Variants in CEP112 observed in about 807,000 individuals in gnomAD.
The protein encoded by CEP112 is centrosomal protein of 112 kDa.
Under a neutral mutation model 153.0 loss-of-function variants are expected in CEP112, and 127 were observed. The observed-to-expected ratio is 0.83, with a 90% CI of 0.72 to 0.96. The LOEUF is 0.96. Ranked by LOEUF, CEP112 falls within the 40% of genes least tolerant of loss-of-function variation. The pLI is 0.00. For synonymous variants in CEP112, 358 were observed against 374.4 expected, an observed-to-expected ratio of 0.96 and a Z score of 0.51; for missense variants, 1,089 against 1,101.2, an observed-to-expected ratio of 0.99 and a Z score of 0.16.
intron 19 of CEP112, among the ~76,000 whole-genome samples, chr17:65,904,507 C>T (rs544821345): frequency 2.0e-5 from 3 of 152,296 alleles, no homozygotes; most frequent in East Asian, 1.9e-4. Context: ...GAATTAATAT[C>T]GTGAAAATGG....
intron 20 of CEP112, among the ~76,000 whole-genome samples, chr17:65,900,907 C>T (rs774843143): frequency 1.1e-4 from 17 of 152,166 alleles, no homozygotes; most frequent in East Asian, 7.7e-4. Context: ...AGCAAGCCAG[C>T]GTAAAACAAG....
intron 17 of CEP112, among the ~76,000 whole-genome samples, chr17:65,973,605 A>G (rs1335378543): frequency 6.6e-6 from 1 of 152,198 alleles, no homozygotes; most frequent in Admixed American, 6.6e-5. Context: ...GATGATATCA[A>G]GTTTTGGGAA....
At chr17:66,154,968 G>A (rs2071376499) in intron 4 of CEP112, among the ~76,000 whole-genome samples, 1 of 152,104 alleles carries the variant, frequency 6.6e-6, no homozygotes, top group Non-Finnish European at 1.5e-5. Flanking sequence ...GGGCTAGTTA[G>A]GCCCACTTCT....
At chr17:65,938,475 A>G (rs1343829588) in intron 18 of CEP112, among the ~76,000 whole-genome samples, 1 of 152,124 alleles carries the variant, frequency 6.6e-6, no homozygotes, top group East Asian at 1.9e-4. Flanking sequence ...AACATGTATG[A>G]CAAGCCCACA....
chr17:65,836,098 G>A (rs1383487024), intron 21 of CEP112, among the ~76,000 whole-genome samples: 1 of 151,830 alleles, frequency 6.6e-6, no homozygotes, highest in East Asian at 1.9e-4. Flanking sequence ...GCCTCGTGGT[G>A]GCCACAAAGC....
rs1014398171 is a variant in CEP112 at position 65,728,720 on chromosome 17, T to C, written c.2607+14348A>G. Among the ~76,000 whole-genome samples, 8 of 152,062 alleles carry C rather than the reference T, an allele frequency of 5.3e-5. 1 individual carries two copies. The highest frequency in any genetic ancestry group is 1.9e-4 in the African/African-American group (8 of 41,398). On this transcript the variant is annotated intron_variant, in intron 23 of 26. Transcript: ENST00000535342. Reference sequence around the variant, plus strand: ...ATATCTAAGCAAAGAAAAGGTACAGTAAAAATACAGTATAAAAGATACAAA... The same window carrying C: ...ATATCTAAGCAAAGAAAAGGTACAGCAAAAATACAGTATAAAAGATACAAA...
At chr17:66,143,987 G>A (rs555236031) in intron 4 of CEP112, among the ~76,000 whole-genome samples, 1 of 152,256 alleles carries the variant, frequency 6.6e-6, no homozygotes, top group Admixed American at 6.5e-5. Flanking sequence ...CACCATTGTT[G>A]GCTGTGTAGG....
intron 12 of CEP112, among the ~76,000 whole-genome samples, chr17:66,048,100 GTTT>G (rs5821549): frequency 6.7e-6 from 1 of 148,298 alleles, no homozygotes; most frequent in African/African-American, 2.5e-5. Flanking sequence ...TATCATTTTT[GTTT>G]TTTTTTTTAT....
chr17:65,879,852 C>CAAA (rs777426324), intron 20 of CEP112, among the ~76,000 whole-genome samples: 1 of 74,910 alleles, frequency 1.3e-5, no homozygotes, highest in Non-Finnish European at 2.8e-5. Context: ...AAAAAATTTG[C>CAAA]AAAAAAAAAA....
intron 2 of CEP112, chr17:66,182,126 C>T (rs578032044): frequency 1.3e-5 from 2 of 152,228 alleles, no homozygotes; most frequent in East Asian, 3.9e-4. Context: ...TACCTACACT[C>T]GAATGCAGTC....
intron 18 of CEP112, among the ~76,000 whole-genome samples, chr17:65,941,067 G>A (rs886849128): frequency 3.3e-5 from 5 of 151,496 alleles, no homozygotes; most frequent in Non-Finnish European, 7.4e-5. Context: ...AATTATTTGG[G>A]GTCAAAAAAA....
intron 20 of CEP112, among the ~76,000 whole-genome samples, chr17:65,894,369 A>G (rs946077215): frequency 3.3e-5 from 5 of 152,088 alleles, no homozygotes; most frequent in African/African-American, 1.2e-4. Context: ...TAGAAGAAAC[A>G]CATTTTCTAA....
intron 21 of CEP112, among the ~76,000 whole-genome samples, chr17:65,827,259 T>C (rs1030419540): frequency 2.6e-5 from 4 of 152,182 alleles, no homozygotes; most frequent in African/African-American, 9.7e-5. Flanking sequence ...ATTGTGGGAC[T>C]TCACCTTGTG....
intron 2 of CEP112, among the ~76,000 whole-genome samples, chr17:66,179,033 T>G (rs552589709): frequency 3.9e-5 from 6 of 152,340 alleles, no homozygotes; most frequent in Admixed American, 2.6e-4. Flanking sequence ...AGTTTTTAAT[T>G]CTGCTCCATA....
intron 19 of CEP112, among the ~76,000 whole-genome samples, chr17:65,912,509 G>A (rs182812329): frequency 6.6e-6 from 1 of 152,230 alleles, no homozygotes; most frequent in Non-Finnish European, 1.5e-5. Flanking sequence ...GCCCTCCCAT[G>A]CACTGGCTTC....
chr17:65,915,847 G>T (rs1031514964), intron 19 of CEP112, among the ~76,000 whole-genome samples: 1 of 150,282 alleles, frequency 6.7e-6, no homozygotes, highest in Non-Finnish European at 1.5e-5. Flanking sequence ...TGCTCCAGTG[G>T]CTTCTCAACA....
chr17:66,130,416 T>C (rs2070084600), intron 5 of CEP112, among the ~76,000 whole-genome samples: 2 of 152,130 alleles, frequency 1.3e-5, no homozygotes, highest in African/African-American at 4.8e-5. Context: ...AAGCTCTTTG[T>C]TCTTAAATTA....
At chr17:65,744,088 CAG>C (rs1182494258) in intron 22 of CEP112, among the ~76,000 whole-genome samples, 1 of 151,660 alleles carries the variant, frequency 6.6e-6, no homozygotes, top group Non-Finnish European at 1.5e-5. Context: ...AATGAGGAAA[CAG>C]AGGCACAGAA....
chr17:66,032,126 TGA>T (rs1204809671), intron 12 of CEP112, among the ~76,000 whole-genome samples: 1 of 152,048 alleles, frequency 6.6e-6, no homozygotes, highest in African/African-American at 2.4e-5. Context: ...CTCAGCCATC[TGA>T]GTATTGGAAT....
Sources: gnomAD v4.1 joint callset for allele counts (sites outside exome capture counted in the v4.1 genomes callset) on GRCh38, gnomAD v4.1.1 for gene constraint, MANE v1.5 for transcripts, NCBI Gene and HGNC (gene_info 2026-07-23, HGNC 2026-07-21) for gene names.